Variants in ANKRD55 observed in about 807,000 individuals in gnomAD.
ANKRD55 encodes the protein ankyrin repeat domain 55.
In ANKRD55, 41 loss-of-function variants were observed where a neutral mutation model predicts 60.6. The ratio of observed to expected loss-of-function variants is 0.68; its 90% CI spans 0.53 to 0.88. The LOEUF (loss-of-function observed/expected upper bound fraction) is 0.88, where lower values mean the gene tolerates loss of function less well. Among genes scored for constraint, ANKRD55 ranks in the 40% least tolerant of loss-of-function variants. ANKRD55 has a pLI of 0.00. For synonymous variants in ANKRD55, 264 were observed against 290.3 expected, an observed-to-expected ratio of 0.91 and a Z score of 0.92; for missense variants, 732 against 767.6, an observed-to-expected ratio of 0.95 and a Z score of 0.55.
At chr5:56,156,023 G>A (rs1323952519) in intron 6 of ANKRD55, among the ~76,000 whole-genome samples, 1 of 152,124 alleles carries the variant, frequency 6.6e-6, no homozygotes, top group Non-Finnish European at 1.5e-5. Context: ...GGGTTGCACT[G>A]TTAGAAACTT....
intron 8 of ANKRD55, among the ~76,000 whole-genome samples, chr5:56,118,871 AAAAC>A (rs991644755): frequency 2.4e-4 from 36 of 152,154 alleles, no homozygotes; most frequent in Non-Finnish European, 4.4e-4. Context: ...TAAAATAAGA[AAAAC>A]AAACAAACAA....
chr5:56,130,644 A>G (rs1757384441), intron 7 of ANKRD55, among the ~76,000 whole-genome samples: 1 of 152,238 alleles, frequency 6.6e-6, no homozygotes, highest in Non-Finnish European at 1.5e-5. Context: ...CAGAGCAAGC[A>G]TCAGTTCCAG....
At position 56,232,901 on chromosome 5, in the gene ANKRD55, C is replaced by T; in HGVS notation, c.13G>A (p.Ala5Thr). MMRQ[A>T]TMDFSTPSVF... is the part of the protein sequence containing the mutation. ...GAAGGGGTGCTGAAATCCATGGTAG[C>T]CTGTCTCATCATTTACCATCAGAAT... is the stretch of plus-strand genomic sequence containing the variant. Residue 5 changes from alanine (A) to threonine (T), a missense_variant, in exon 2 of 12, where the codon GCT (alanine) becomes ACT (threonine). Physicochemically the swap from Ala to Thr is moderately conservative, Grantham distance 58. Transcript: ENST00000341048. 2 of 1,614,126 alleles carry T rather than the reference C, an allele frequency of 1.2e-6. No individual in the cohort carries two copies. Among genetic ancestry groups the T allele is most frequent in the South Asian group, 2.2e-5 (2 of 91,080 alleles).
chr5:56,183,748 C>T, intron 2 of ANKRD55, 114 bp from the exon 3 acceptor site: 5 of 1,374,508 alleles, frequency 3.6e-6, no homozygotes, highest in Non-Finnish European at 5.0e-6. Context: ...CAAGTGAATC[C>T]AGGCAGAAGT....
Position 56,100,071 on chromosome 5 carries a change from T to C in ANKRD55, c.*112A>G. ...ATTTCGAGTTATAAAACTGATGGCTTATAGAATGCAGCTTACTAAATTGGT... is the reference window on the plus strand; with the variant it reads ...ATTTCGAGTTATAAAACTGATGGCTCATAGAATGCAGCTTACTAAATTGGT... On this transcript the variant is annotated 3_prime_UTR_variant, in exon 12 of 12. Coordinates refer to ENST00000341048, the MANE Select transcript of ANKRD55 (RefSeq NM_024669.3). The C allele has an allele frequency of 1.4e-6, 2 of 1,404,554 alleles. No individual in the cohort carries two copies. The highest frequency in any genetic ancestry group is 2.5e-5 in the South Asian group (2 of 81,564). The allele number at this position is 1,404,554 out of a possible 1,614,324, so 87.0% of individuals were successfully genotyped here.
intron 10 of ANKRD55, among the ~76,000 whole-genome samples, chr5:56,109,260 T>C (rs1756594962): frequency 6.6e-6 from 1 of 152,198 alleles, no homozygotes; most frequent in Non-Finnish European, 1.5e-5. Flanking sequence ...TGGTGTGGAC[T>C]GGACTGAACT....
At chr5:56,213,173 C>G (rs1409350660) in intron 2 of ANKRD55, among the ~76,000 whole-genome samples, 1 of 152,126 alleles carries the variant, frequency 6.6e-6, no homozygotes, top group Non-Finnish European at 1.5e-5. Flanking sequence ...AATATGTTTA[C>G]TCTCATTTCA....
chr5:56,112,502 A>G, intron 9 of ANKRD55, among the ~76,000 whole-genome samples: 1 of 146,808 alleles, frequency 6.8e-6, no homozygotes, highest in African/African-American at 2.5e-5. Flanking sequence ...TCTCATCTCT[A>G]GCAAAAAAAA....
At chr5:56,127,494 C>T (rs545317380) in intron 7 of ANKRD55, 1 of 985,208 alleles carries the variant, frequency 1.0e-6, no homozygotes, top group South Asian at 4.7e-5. Context: ...TAGAGGCTGA[C>T]CACCAAGAAA....
intron 2 of ANKRD55, among the ~76,000 whole-genome samples, chr5:56,185,545 G>T (rs1758948845): frequency 6.6e-6 from 1 of 151,738 alleles, no homozygotes; most frequent in South Asian, 2.1e-4. Context: ...GTGCATGCCT[G>T]TAATTCCAGC....
chr5:56,176,905 C>T (rs1307759461), intron 3 of ANKRD55, among the ~76,000 whole-genome samples: 1 of 152,154 alleles, frequency 6.6e-6, no homozygotes, highest in Non-Finnish European at 1.5e-5. Context: ...AAGCAGGATC[C>T]AGGTGCTTCT....
intron 2 of ANKRD55, among the ~76,000 whole-genome samples, chr5:56,232,410 G>A (rs913807023): frequency 1.3e-5 from 2 of 152,082 alleles, no homozygotes; most frequent in African/African-American, 4.8e-5. Context: ...AAATGCTTAC[G>A]AAGATACAGC....
intron 2 of ANKRD55, among the ~76,000 whole-genome samples, chr5:56,223,287 G>A (rs1417009994): frequency 1.3e-5 from 2 of 152,198 alleles, no homozygotes; most frequent in African/African-American, 4.8e-5. Flanking sequence ...AAAATCCTTT[G>A]CAGACAAGCA....
chr5:56,110,529 A>ATT (rs11348393), intron 10 of ANKRD55: 13 of 146,524 alleles, frequency 8.9e-5, no homozygotes, highest in African/African-American at 2.2e-4. Flanking sequence ...CAAAAAATGC[A>ATT]TTTTTTTTTT....
chr5:56,166,114 CTTTCTTTCT>C (rs1472106081), intron 5 of ANKRD55, among the ~76,000 whole-genome samples: 1 of 55,562 alleles, frequency 1.8e-5, no homozygotes, highest in Non-Finnish European at 4.0e-5. Context: ...TTCTTTCTTT[CTTTCTTTCT>C]TTCTTTCTTT....
At position 56,162,181 on chromosome 5, in the gene ANKRD55, C is replaced by T. The variant is rs180920282; in HGVS notation, c.423-2288G>A. ...GAGATTATCTGTAGCCAGACAGGAT[C>T]TTCTGGGGCTCTAACCAGATTAGAA... On this transcript the variant is annotated intron_variant, in intron 5 of 11. Coordinates refer to ENST00000341048, the MANE Select transcript of ANKRD55 (RefSeq NM_024669.3). 3.9e-4 allele frequency: 100 copies of T among 259,514 alleles called. 1 individual carries two copies. The highest frequency in any genetic ancestry group is 2.1e-3 in the African/African-American group (91 of 43,426). 16.1% of individuals were successfully genotyped at this position (259,514 alleles called of 1,614,324 possible).
chr5:56,166,408 C>T (rs1451416796), intron 5 of ANKRD55, among the ~76,000 whole-genome samples: 2 of 151,686 alleles, frequency 1.3e-5, no homozygotes, highest in Non-Finnish European at 2.9e-5. Flanking sequence ...CAGGAGCACA[C>T]CACTATGCCT....
intron 5 of ANKRD55, among the ~76,000 whole-genome samples, chr5:56,166,138 CTTTCTTTCTTTCTTT>C (rs1403319066): frequency 6.1e-5 from 6 of 98,974 alleles, no homozygotes; most frequent in African/African-American, 3.3e-4. Flanking sequence ...TTCTTTCTTT[CTTTCTTTCTTTCTTT>C]CTTCTTTCCT....
intron 2 of ANKRD55, among the ~76,000 whole-genome samples, chr5:56,212,085 C>T (rs755100461): frequency 1.5e-4 from 12 of 81,852 alleles, no homozygotes; most frequent in Non-Finnish European, 2.1e-4. Context: ...CACACACACA[C>T]ACACGCGTAC....
Sources: gnomAD v4.1 joint callset for allele counts (sites outside exome capture counted in the v4.1 genomes callset) on GRCh38, gnomAD v4.1.1 for gene constraint, MANE v1.5 for transcripts, NCBI Gene and HGNC (gene_info 2026-07-23, HGNC 2026-07-21) for gene names.